Variants in GALNTL6 observed in about 807,000 individuals in gnomAD.
The protein encoded by GALNTL6 is polypeptide N-acetylgalactosaminyltransferase like 6.
A neutral mutation model predicts 73.7 loss-of-function variants in GALNTL6; 46 were observed. That is an observed-to-expected ratio of 0.62 (90% CI 0.49 to 0.80). GALNTL6 has a LOEUF of 0.80. Among genes scored for constraint, GALNTL6 ranks in the 30% least tolerant of loss-of-function variants. The pLI, the probability that GALNTL6 is intolerant of heterozygous loss-of-function variation, is 0.00. For synonymous variants in GALNTL6, 259 were observed against 263.7 expected, an observed-to-expected ratio of 0.98 and a Z score of 0.17; for missense variants, 604 against 755.0, an observed-to-expected ratio of 0.80 and a Z score of 2.34.
chr4:171,999,348 A>G (rs1335282282), intron 2 of GALNTL6, among the ~76,000 whole-genome samples: 1 of 152,180 alleles, frequency 6.6e-6, no homozygotes, highest in Non-Finnish European at 1.5e-5. Context: ...AATGAAGAAT[A>G]TATTTCATAG....
rs1579106727 is a variant in GALNTL6, at chr4:172,069,451, A to G, written c.139-160205A>G. On this transcript the variant is annotated intron_variant, in intron 2 of 12. Coordinates refer to ENST00000506823, the MANE Select transcript of GALNTL6 (RefSeq NM_001034845.3). Reference sequence around the variant, plus strand: ...CACACATATAACATATATATGTAATATATAACACACATATAACATATATGT... The same window carrying G: ...CACACATATAACATATATATGTAATGTATAACACACATATAACATATATGT... Among the ~76,000 whole-genome samples, 2 of 80,730 alleles carry G rather than the reference A, an allele frequency of 2.5e-5. 1 individual carries two copies. Among genetic ancestry groups the G allele is most frequent in the Non-Finnish European group, 5.4e-5 (2 of 37,216 alleles). 53.0% of individuals were successfully genotyped at this position (80,730 alleles called of 152,430 possible). A position where few individuals can be genotyped will look rare whatever the true frequency, so the allele number is the denominator to read the frequency against.
chr4:172,329,427 C>G (rs922801876), intron 4 of GALNTL6, among the ~76,000 whole-genome samples: 1 of 152,056 alleles, frequency 6.6e-6, no homozygotes, highest in African/African-American at 2.4e-5. Context: ...CACTCTAGTC[C>G]CTAGTCACCT....
intron 5 of GALNTL6, among the ~76,000 whole-genome samples, chr4:172,803,495 G>T (rs756991299): frequency 5.9e-5 from 9 of 152,132 alleles, no homozygotes; most frequent in Non-Finnish European, 1.3e-4. Context: ...GGCCCCTGGT[G>T]CCAAAAAGTT....
chr4:172,303,124 C>T (rs986930934), intron 3 of GALNTL6, among the ~76,000 whole-genome samples: 6 of 152,074 alleles, frequency 3.9e-5, no homozygotes, highest in Non-Finnish European at 5.9e-5. Flanking sequence ...CTCAGCCTCC[C>T]GAGTAACTGG....
intron 5 of GALNTL6, among the ~76,000 whole-genome samples, chr4:172,367,833 G>T (rs776129515): frequency 1.3e-5 from 2 of 152,074 alleles, no homozygotes; most frequent in Non-Finnish European, 2.9e-5. Context: ...TCTTTTGGGA[G>T]AAAAATATGT....
intron 2 of GALNTL6, among the ~76,000 whole-genome samples, chr4:172,050,382 C>T (rs921324546): frequency 6.6e-6 from 1 of 152,126 alleles, no homozygotes; most frequent in Non-Finnish European, 1.5e-5. Context: ...AGAGGTTACA[C>T]AGTGTTTGGC....
chr4:171,993,943 G>A (rs898146130), intron 2 of GALNTL6, among the ~76,000 whole-genome samples: 3 of 151,926 alleles, frequency 2.0e-5, no homozygotes, highest in Non-Finnish European at 4.4e-5. Flanking sequence ...TATAACGTAA[G>A]TGCTGGGGTT....
chr4:172,426,021 G>A (rs899207071), intron 5 of GALNTL6, among the ~76,000 whole-genome samples: 1 of 151,906 alleles, frequency 6.6e-6, no homozygotes, highest in Non-Finnish European at 1.5e-5. Context: ...TTTAAATGAC[G>A]ATATTAAAAG....
chr4:172,753,288 G>C (rs1737539078), intron 5 of GALNTL6, among the ~76,000 whole-genome samples: 1 of 152,144 alleles, frequency 6.6e-6, no homozygotes, highest in African/African-American at 2.4e-5. Flanking sequence ...TCAGCCATGT[G>C]GAACTGTGAG....
chr4:172,470,963 A>T (rs1733024582), intron 5 of GALNTL6, among the ~76,000 whole-genome samples: 1 of 152,192 alleles, frequency 6.6e-6, no homozygotes, highest in South Asian at 2.1e-4. Context: ...TTCATAGCTC[A>T]AGGCTGATAT....
intron 5 of GALNTL6, among the ~76,000 whole-genome samples, chr4:172,349,956 T>G (rs11722301): frequency 0.018 from 2,807 of 152,200 alleles, 34 homozygotes; most frequent in Non-Finnish European, 0.029. Context: ...AGCCACTGTC[T>G]AAAACTGAAA....
At chr4:172,023,599 C>T (rs1331883236) in intron 2 of GALNTL6, among the ~76,000 whole-genome samples, 1 of 151,816 alleles carries the variant, frequency 6.6e-6, no homozygotes, top group Non-Finnish European at 1.5e-5. Context: ...CATTTCTTTT[C>T]TTTAACTACA....
intron 5 of GALNTL6, among the ~76,000 whole-genome samples, chr4:172,744,501 A>C (rs2110751807): frequency 6.6e-6 from 1 of 152,256 alleles, no homozygotes; most frequent in Admixed American, 6.5e-5. Flanking sequence ...TAGAGACTGC[A>C]ACTCTCTATT....
At chr4:171,955,421 C>T (rs1259155236) in intron 2 of GALNTL6, among the ~76,000 whole-genome samples, 1 of 151,270 alleles carries the variant, frequency 6.6e-6, no homozygotes, top group Non-Finnish European at 1.5e-5. Flanking sequence ...TACAGTTGAC[C>T]CCCGATATTC....
chr4:171,902,268 A>C (rs1293960368), intron 2 of GALNTL6, among the ~76,000 whole-genome samples: 1 of 152,196 alleles, frequency 6.6e-6, no homozygotes, highest in Non-Finnish European at 1.5e-5. Flanking sequence ...GTTGTAAAAA[A>C]AGAGAGAGGT....
At chr4:171,887,262 GT>G (rs545573740) in intron 2 of GALNTL6, among the ~76,000 whole-genome samples, 103 of 152,222 alleles carry the variant, frequency 6.8e-4, no homozygotes, top group African/African-American at 2.4e-3. Flanking sequence ...TGGGGTTTAA[GT>G]TTCAACAAGG....
At chr4:171,968,428 A>T (rs1376478033) in intron 2 of GALNTL6, among the ~76,000 whole-genome samples, 2 of 152,136 alleles carry the variant, frequency 1.3e-5, no homozygotes, top group African/African-American at 4.8e-5. Flanking sequence ...ACAACACCGT[A>T]ATCTCTTCCT....
chr4:172,277,295 T>C (rs1738868329), intron 3 of GALNTL6, among the ~76,000 whole-genome samples: 1 of 151,872 alleles, frequency 6.6e-6, no homozygotes, highest in Admixed American at 6.6e-5. Context: ...CAGTGGGAGT[T>C]TCTATGACAT....
chr4:172,926,072 C>T (rs1748042818), intron 8 of GALNTL6, among the ~76,000 whole-genome samples: 1 of 152,176 alleles, frequency 6.6e-6, no homozygotes, highest in Non-Finnish European at 1.5e-5. Context: ...ATTTATTTCT[C>T]ACTGTTCTGG....
Sources: allele counts gnomAD v4.1 joint callset (sites outside exome capture counted in the v4.1 genomes callset), GRCh38; gene constraint gnomAD v4.1.1; transcripts MANE v1.5; gene names NCBI Gene and HGNC (gene_info 2026-07-23, HGNC 2026-07-21).